Variants in TBC1D15 observed in about 807,000 individuals in gnomAD.
TBC1D15 encodes TBC1 domain family member 15, also known as GAP for RAB7.
Under a neutral mutation model 95.4 loss-of-function variants are expected in TBC1D15, and 39 were observed. That is an observed-to-expected ratio of 0.41 (90% confidence interval 0.32 to 0.53). The LOEUF (loss-of-function observed/expected upper bound fraction) is 0.53. Ranked by LOEUF, TBC1D15 falls within the 20% of genes least tolerant of loss-of-function variation. TBC1D15 has a pLI of 0.29. For missense variants in TBC1D15, 733 were observed against 794.3 expected, an observed-to-expected ratio of 0.92 and a Z score of 0.93; for synonymous variants, 258 against 261.3, an observed-to-expected ratio of 0.99 and a Z score of 0.12.
chr12:71,845,923 TTCAG>T (rs1368848969), intron 1 of TBC1D15, among the ~76,000 whole-genome samples: 1 of 152,124 alleles, frequency 6.6e-6, no homozygotes, highest in Non-Finnish European at 1.5e-5. Flanking sequence ...TAAGTAAAAA[TTCAG>T]TATTAAGTGT....
chr12:71,886,519 G>C (rs1281692240), intron 5 of TBC1D15, among the ~76,000 whole-genome samples: 1 of 152,160 alleles, frequency 6.6e-6, no homozygotes, highest in African/African-American at 2.4e-5. Context: ...TTAACACCTT[G>C]CCCAAATTTA....
chr12:71,896,550 A>C (rs1353298375), intron 8 of TBC1D15, 127 bp from the exon 9 acceptor site: 2 of 740,558 alleles, frequency 2.7e-6, no homozygotes, highest in East Asian at 5.4e-5. Flanking sequence ...ATATTCACTG[A>C]ATTGAACTAT....
intron 16 of TBC1D15, among the ~76,000 whole-genome samples, chr12:71,921,660 A>C (rs1869402121): frequency 6.6e-6 from 1 of 152,208 alleles, no homozygotes; most frequent in Non-Finnish European, 1.5e-5. Context: ...AGCTAATAAT[A>C]AGGCAAAATG....
At chr12:71,885,423 C>G (rs906365894) in intron 5 of TBC1D15, among the ~76,000 whole-genome samples, 2 of 152,126 alleles carry the variant, frequency 1.3e-5, no homozygotes, top group Non-Finnish European at 2.9e-5. Context: ...AAAATTATTT[C>G]TCAGTTGGAA....
At chr12:71,914,614 A>C (rs1281654623) in intron 12 of TBC1D15, among the ~76,000 whole-genome samples, 5 of 152,018 alleles carry the variant, frequency 3.3e-5, no homozygotes, top group African/African-American at 1.2e-4. Flanking sequence ...AGATAAAGGC[A>C]GATGAAGTCC....
intron 1 of TBC1D15, among the ~76,000 whole-genome samples, chr12:71,864,359 C>T (rs1891020500): frequency 5.3e-5 from 8 of 151,908 alleles, no homozygotes; most frequent in Middle Eastern, 3.2e-3. Context: ...TGAGCTACTG[C>T]ACCCGGCTGC....
At chr12:71,919,771 A>G (rs994560253) in intron 14 of TBC1D15, among the ~76,000 whole-genome samples, 2 of 152,166 alleles carry the variant, frequency 1.3e-5, no homozygotes, top group African/African-American at 2.4e-5. Flanking sequence ...TTTATATCCT[A>G]CTGCTCAAGG....
intron 12 of TBC1D15, among the ~76,000 whole-genome samples, chr12:71,915,162 C>G (rs1243775379): frequency 1.3e-5 from 2 of 151,770 alleles, no homozygotes; most frequent in African/African-American, 2.4e-5. Context: ...CTTCTTAGTT[C>G]CATTTACTCC....
intron 14 of TBC1D15, among the ~76,000 whole-genome samples, chr12:71,920,283 C>T (rs902345330): frequency 6.6e-6 from 1 of 152,170 alleles, no homozygotes; most frequent in Non-Finnish European, 1.5e-5. Context: ...AGAGCTACCT[C>T]TGGGTGTTTC....
At chr12:71,858,768 G>C (rs1264694775) in intron 1 of TBC1D15, among the ~76,000 whole-genome samples, 1 of 151,802 alleles carries the variant, frequency 6.6e-6, no homozygotes, top group East Asian at 1.9e-4. Flanking sequence ...TGTTGCCCAG[G>C]CTGGTCTTGA....
intron 2 of TBC1D15, 43 bp from the exon 3 acceptor site, chr12:71,872,886 A>G (rs758161422): frequency 3.6e-6 from 5 of 1,384,006 alleles, no homozygotes; most frequent in Non-Finnish European, 3.0e-6. Flanking sequence ...TAAGAATAAC[A>G]TATTGCTGAA....
At chr12:71,896,504 T>C (rs1898204640) in intron 8 of TBC1D15, 173 bp from the exon 9 acceptor site, 2 of 612,086 alleles carry the variant, frequency 3.3e-6, no homozygotes, top group Admixed American at 6.1e-5. Context: ...TGGCAGCTGC[T>C]TACATCTTTT....
intron 11 of TBC1D15, among the ~76,000 whole-genome samples, chr12:71,912,077 G>A (rs1391854243): frequency 1.3e-5 from 2 of 152,138 alleles, no homozygotes; most frequent in Non-Finnish European, 2.9e-5. Flanking sequence ...CTTGCACTTT[G>A]TTGAATTCAG....
chr12:71,903,513 C>T (rs1435899440), intron 10 of TBC1D15, among the ~76,000 whole-genome samples: 1 of 152,200 alleles, frequency 6.6e-6, no homozygotes, highest in Non-Finnish European at 1.5e-5. Flanking sequence ...AATCCCATTA[C>T]TGGATATATG....
chr12:71,919,688 T>A (rs1229356198), intron 14 of TBC1D15, among the ~76,000 whole-genome samples: 1 of 152,154 alleles, frequency 6.6e-6, no homozygotes, highest in African/African-American at 2.4e-5. Context: ...GTGTCTTAAT[T>A]TGGGGGTTAA....
chr12:71,845,529 G>T (rs985747278), intron 1 of TBC1D15, among the ~76,000 whole-genome samples: 1 of 152,190 alleles, frequency 6.6e-6, no homozygotes, highest in African/African-American at 2.4e-5. Context: ...TAGAACACAT[G>T]AGATTAAGAT....
intron 1 of TBC1D15, among the ~76,000 whole-genome samples, chr12:71,842,830 C>CAAAAAAAAAAAAAAAAA (rs58842371): frequency 1.2e-5 from 1 of 84,836 alleles, no homozygotes. Flanking sequence ...GACCCTGTCT[C>CAAAAAAAAAAAAAAAAA]AAAAAAAAAA....
intron 3 of TBC1D15, among the ~76,000 whole-genome samples, chr12:71,879,657 C>G (rs543622521): frequency 1.3e-5 from 2 of 152,216 alleles, no homozygotes; most frequent in South Asian, 4.2e-4. Context: ...AATCTGTCAA[C>G]TTGCTTTTCA....
At chr12:71,854,992 T>C (rs1277173700) in intron 1 of TBC1D15, 1 of 371,576 alleles carries the variant, frequency 2.7e-6, no homozygotes, top group Admixed American at 3.7e-5. Flanking sequence ...TATAAAGAAA[T>C]ACCTGAGACT....
Sources: allele counts gnomAD v4.1 joint callset (sites outside exome capture counted in the v4.1 genomes callset), GRCh38; gene constraint gnomAD v4.1.1; transcripts MANE v1.5; gene names NCBI Gene and HGNC (gene_info 2026-07-23, HGNC 2026-07-21).